ANTXR2: variants seen among roughly 807,000 people sequenced by gnomAD.
ANTXR2 encodes ANTXR cell adhesion molecule 2, also known as anthrax toxin receptor 2.
In ANTXR2, 44 loss-of-function variants were observed where a neutral mutation model predicts 73.7. That is an observed-to-expected ratio of 0.60 (90% confidence interval 0.47 to 0.77). The LOEUF (loss-of-function observed/expected upper bound fraction) is 0.77. Among genes scored for constraint, ANTXR2 ranks in the 30% least tolerant of loss-of-function variants. The pLI, the probability that ANTXR2 is intolerant of heterozygous loss-of-function variation, is 0.00. For synonymous variants in ANTXR2, 217 were observed against 205.9 expected, an observed-to-expected ratio of 1.05 and a Z score of -0.46; for missense variants, 604 against 592.5, an observed-to-expected ratio of 1.02 and a Z score of -0.20.
At chr4:79,927,558 A>C (rs1727869882) in intron 16 of ANTXR2, among the ~76,000 whole-genome samples, 1 of 152,140 alleles carries the variant, frequency 6.6e-6, no homozygotes, top group Admixed American at 6.5e-5. Context: ...ATACAATGTA[A>C]ATGCTATGCA....
intron 7 of ANTXR2, among the ~76,000 whole-genome samples, chr4:80,043,689 C>T (rs989843236): frequency 5.3e-5 from 8 of 151,824 alleles, no homozygotes; most frequent in Non-Finnish European, 8.8e-5. Flanking sequence ...TTTATGTATC[C>T]CTCTGGGTTT....
At chr4:79,977,223 A>G (rs1404301652) in intron 16 of ANTXR2, among the ~76,000 whole-genome samples, 1 of 152,248 alleles carries the variant, frequency 6.6e-6, no homozygotes, top group East Asian at 1.9e-4. Context: ...ATTTATATCT[A>G]TAAAACAGAT....
intron 12 of ANTXR2, among the ~76,000 whole-genome samples, chr4:80,003,930 C>T (rs1050542021): frequency 3.3e-5 from 5 of 152,002 alleles, no homozygotes; most frequent in Non-Finnish European, 7.4e-5. Flanking sequence ...AAAATGAAAA[C>T]TTAAGTTTAT....
chr4:80,072,318 C>G (rs1419874719), intron 1 of ANTXR2, 91 bp downstream of exon 1: 2 of 1,396,552 alleles, frequency 1.4e-6, no homozygotes, highest in South Asian at 3.2e-5. Context: ...CAACACCACT[C>G]CCCGGGGTGC....
intron 16 of ANTXR2, among the ~76,000 whole-genome samples, chr4:79,918,137 T>C (rs1727427868): frequency 6.6e-6 from 1 of 151,908 alleles, no homozygotes; most frequent in Non-Finnish European, 1.5e-5. Flanking sequence ...CTCACTGAAT[T>C]TGAAGGTAGG....
At chr4:79,990,383 C>CAAAAA (rs70944757) in intron 12 of ANTXR2, among the ~76,000 whole-genome samples, 4,046 of 76,690 alleles carry the variant, frequency 0.053, 394 homozygotes, top group Non-Finnish European at 0.06. Flanking sequence ...ACAACAGTTA[C>CAAAAA]AAAAAAAAAA....
intron 16 of ANTXR2, among the ~76,000 whole-genome samples, chr4:79,907,843 A>T (rs1275388074): frequency 2.6e-5 from 4 of 152,176 alleles, no homozygotes; most frequent in Non-Finnish European, 5.9e-5. Context: ...GATGCTCCTA[A>T]AATGCATACA....
intron 7 of ANTXR2, among the ~76,000 whole-genome samples, chr4:80,051,173 C>T (rs1430607561): frequency 6.6e-6 from 1 of 151,690 alleles, no homozygotes; most frequent in East Asian, 1.9e-4. Flanking sequence ...TTTATGTCAC[C>T]TTACACTATA....
chr4:80,054,215 T>C (rs776191271), intron 7 of ANTXR2, 57 bp downstream of exon 7: 87 of 1,358,032 alleles, frequency 6.4e-5, no homozygotes, highest in Non-Finnish European at 7.9e-5. Context: ...TTACTTCTTA[T>C]AGATTAAAAA....
intron 11 of ANTXR2, among the ~76,000 whole-genome samples, chr4:80,011,270 GCTATCTATCTATCTATCTATCTAT>G (rs34305853): frequency 6.0e-5 from 9 of 149,142 alleles, no homozygotes; most frequent in East Asian, 4.0e-4. Flanking sequence ...ACCTGGTCTT[GCTATCTATCTATCTATCTATCTAT>G]CTATCTATCT....
At chr4:80,060,151 C>T (rs1734178672) in intron 3 of ANTXR2, among the ~76,000 whole-genome samples, 1 of 152,100 alleles carries the variant, frequency 6.6e-6, no homozygotes, top group Non-Finnish European at 1.5e-5. Flanking sequence ...TGTGAGAATT[C>T]CTCACACTCA....
At chr4:80,028,041 TACAC>T (rs2110078401) in intron 10 of ANTXR2, among the ~76,000 whole-genome samples, 1 of 152,268 alleles carries the variant, frequency 6.6e-6, no homozygotes, top group African/African-American at 2.4e-5. Flanking sequence ...TGTTTAATCA[TACAC>T]CATTTTAAAA....
chr4:79,921,326 A>T (rs1017531484), intron 16 of ANTXR2, among the ~76,000 whole-genome samples: 1 of 152,132 alleles, frequency 6.6e-6, no homozygotes, highest in East Asian at 1.9e-4. Flanking sequence ...TGATACATTG[A>T]TTTATTCCTA....
intron 16 of ANTXR2, among the ~76,000 whole-genome samples, chr4:79,959,355 ACAAG>A (rs1423050162): frequency 2.0e-5 from 3 of 152,116 alleles, no homozygotes; most frequent in African/African-American, 7.2e-5. Context: ...TAGTAAAATA[ACAAG>A]TAAAGATAAC....
At chr4:79,959,765 T>C (rs895785920) in intron 16 of ANTXR2, among the ~76,000 whole-genome samples, 1 of 152,176 alleles carries the variant, frequency 6.6e-6, no homozygotes, top group Non-Finnish European at 1.5e-5. Context: ...ACACAGATAA[T>C]GTAGTGACAA....
chr4:80,004,243 AG>A (rs1435326306), intron 12 of ANTXR2, among the ~76,000 whole-genome samples: 1 of 152,022 alleles, frequency 6.6e-6, no homozygotes, highest in Non-Finnish European at 1.5e-5. Flanking sequence ...AAAAATAAAA[AG>A]TTCAGGGTTT....
chr4:79,903,994 T>G lies in ANTXR2; in HGVS notation c.*3435A>C, dbSNP rs1726812743. On this transcript the variant is annotated 3_prime_UTR_variant, in exon 17 of 17. Transcript: ENST00000403729. ...TGGAGTAGGAAGTTATAATTCCTTC[T>G]ACTTGTAAATGTGACCTAATTACAT... is the stretch of plus-strand genomic sequence containing the variant. 1 of 152,184 alleles carries G rather than the reference T, an allele frequency of 6.6e-6. No homozygotes were observed. The highest frequency in any genetic ancestry group is 1.5e-5 in the Non-Finnish European group (1 of 68,004). 9.4% of individuals were successfully genotyped at this position (152,184 alleles called of 1,614,324 possible).
chr4:79,958,985 G>A (rs1035940802), intron 16 of ANTXR2, among the ~76,000 whole-genome samples: 1 of 151,590 alleles, frequency 6.6e-6, no homozygotes, highest in South Asian at 2.1e-4. Context: ...CAAGAATTCC[G>A]ATCATTGAAA....
intron 7 of ANTXR2, among the ~76,000 whole-genome samples, chr4:80,040,489 T>C (rs1205442549): frequency 6.6e-6 from 1 of 152,086 alleles, no homozygotes; most frequent in Admixed American, 6.6e-5. Flanking sequence ...AACTCCATCA[T>C]TGGTACAAGA....
Sources: gnomAD v4.1 joint callset for allele counts (sites outside exome capture counted in the v4.1 genomes callset) on GRCh38, gnomAD v4.1.1 for gene constraint, MANE v1.5 for transcripts, NCBI Gene and HGNC (gene_info 2026-07-23, HGNC 2026-07-21) for gene names.